Variants in SIK3 observed in about 807,000 individuals in gnomAD.
SIK3 encodes the protein serine/threonine-protein kinase SIK3.
Under a neutral mutation model 144.2 loss-of-function variants are expected in SIK3, and 28 were observed. That is an observed-to-expected ratio of 0.19 (90% CI 0.14 to 0.27). The LOEUF is 0.27. Among genes scored for constraint, SIK3 ranks in the 10% least tolerant of loss-of-function variants. The pLI is 1.00. For synonymous variants in SIK3, 686 were observed against 676.3 expected (o/e 1.01, Z -0.22); for missense variants, 1,319 against 1,776.0 (o/e 0.74, Z 4.62).
chr11:117,032,397 C>G (rs1255186663), intron 1 of SIK3, among the ~76,000 whole-genome samples: 1 of 152,142 alleles, frequency 6.6e-6, no homozygotes, highest in African/African-American at 2.4e-5. Flanking sequence ...TAGATATATG[C>G]TCAAGTATTT....
intron 1 of SIK3, among the ~76,000 whole-genome samples, chr11:117,084,804 G>A (rs936685039): frequency 6.6e-6 from 1 of 151,982 alleles, no homozygotes; most frequent in South Asian, 2.1e-4. Flanking sequence ...AAATCAAGAG[G>A]GATGCTGTAC....
chr11:116,926,987 C>T (rs1046019930), intron 4 of SIK3, among the ~76,000 whole-genome samples: 4 of 148,584 alleles, frequency 2.7e-5, no homozygotes, highest in African/African-American at 1.0e-4. Flanking sequence ...CACCACTGCA[C>T]TCCAGCCTGG....
intron 1 of SIK3, among the ~76,000 whole-genome samples, chr11:117,082,535 C>T (rs1443839405): frequency 6.6e-6 from 1 of 152,124 alleles, no homozygotes; most frequent in African/African-American, 2.4e-5. Context: ...CAACAGGACA[C>T]CCACTGCATA....
At chr11:116,854,712 T>G (rs959865848) in intron 21 of SIK3, among the ~76,000 whole-genome samples, 1 of 152,092 alleles carries the variant, frequency 6.6e-6, no homozygotes, top group Non-Finnish European at 1.5e-5. Context: ...GGCACAGCAT[T>G]ATAAGCCTTT....
intron 4 of SIK3, among the ~76,000 whole-genome samples, chr11:116,921,565 T>A (rs1434277836): frequency 1.3e-5 from 2 of 152,182 alleles, no homozygotes; most frequent in African/African-American, 4.8e-5. Flanking sequence ...AGAGATGGAA[T>A]CTCACTATGT....
At chr11:117,016,431 G>GAAGGAAGGAAC (rs1565559637) in intron 1 of SIK3, among the ~76,000 whole-genome samples, 1 of 150,144 alleles carries the variant, frequency 6.7e-6, no homozygotes, top group African/African-American at 2.5e-5. Flanking sequence ...AAGGAAGGAA[G>GAAGGAAGGAAC]GAAGGAAGGA....
chr11:117,009,226 C>G (rs1296182623), intron 1 of SIK3, among the ~76,000 whole-genome samples: 2 of 132,160 alleles, frequency 1.5e-5, no homozygotes, highest in Non-Finnish European at 1.5e-5. Context: ...GAGTGAGACA[C>G]TGTCTCAAAA....
chr11:116,932,211 C>T (rs1947646199), intron 3 of SIK3, among the ~76,000 whole-genome samples: 1 of 152,016 alleles, frequency 6.6e-6, no homozygotes, highest in African/African-American at 2.4e-5. Flanking sequence ...TAGATTTCTG[C>T]AATAACCTCC....
intron 6 of SIK3, 31 bp downstream of exon 6, chr11:116,896,222 A>G: frequency 6.2e-7 from 1 of 1,611,684 alleles, no homozygotes; most frequent in Non-Finnish European, 8.5e-7. Flanking sequence ...TCATGAACCC[A>G]TTCATAGCTG....
At chr11:117,014,946 C>T (rs945624605) in intron 1 of SIK3, among the ~76,000 whole-genome samples, 1 of 152,024 alleles carries the variant, frequency 6.6e-6, no homozygotes, top group Non-Finnish European at 1.5e-5. Flanking sequence ...CACCTTTAGT[C>T]CCAGCTACTC....
At chr11:117,027,006 C>T (rs1274273192) in intron 1 of SIK3, among the ~76,000 whole-genome samples, 1 of 152,160 alleles carries the variant, frequency 6.6e-6, no homozygotes, top group African/African-American at 2.4e-5. Context: ...TTACGGAAAA[C>T]TTGGAAAATA....
chr11:117,053,338 GAAAA>G (rs754157839), intron 1 of SIK3, among the ~76,000 whole-genome samples: 1 of 121,410 alleles, frequency 8.2e-6, no homozygotes, highest in African/African-American at 3.1e-5. Flanking sequence ...CTCTGTCTTG[GAAAA>G]AAAAAAAAAA....
At chr11:116,902,918 C>T (rs1334323530) in intron 4 of SIK3, among the ~76,000 whole-genome samples, 1 of 152,128 alleles carries the variant, frequency 6.6e-6, no homozygotes, top group South Asian at 2.1e-4. Context: ...TTTCAATATA[C>T]ATATTATTAT....
chr11:116,998,539 A>G (rs765055254), intron 1 of SIK3, among the ~76,000 whole-genome samples: 5 of 152,100 alleles, frequency 3.3e-5, no homozygotes, highest in Non-Finnish European at 7.4e-5. Context: ...CCTCTTAGCT[A>G]TAATGGATTT....
intron 1 of SIK3, among the ~76,000 whole-genome samples, chr11:117,090,715 T>C (rs1565633901): frequency 6.6e-6 from 1 of 152,360 alleles, no homozygotes; most frequent in East Asian, 1.9e-4. Flanking sequence ...ATTTTCTTCA[T>C]ATCTCAGTCA....
intron 4 of SIK3, among the ~76,000 whole-genome samples, chr11:116,920,799 G>C (rs1387568718): frequency 1.3e-5 from 2 of 152,216 alleles, no homozygotes; most frequent in Non-Finnish European, 2.9e-5. Context: ...GAGCCAGTGG[G>C]AGTGTGACAA....
Position 116,875,561 on chromosome 11 carries a change from G to C in SIK3, c.1240-110C>G. 3.1e-6 allele frequency: 4 copies of C among 1,272,962 alleles called. No homozygotes were observed. In the South Asian group the frequency reaches 5.7e-5, roughly 18 times the overall value. The allele number at this position is 1,272,962 out of a possible 1,614,324, so 78.9% of individuals were successfully genotyped here. A position where few individuals can be genotyped will look rare whatever the true frequency, so the allele number is the denominator to read the frequency against. On this transcript the variant is annotated intron_variant, in intron 9 of 24. Coordinates refer to ENST00000445177, the MANE Select transcript of SIK3 (RefSeq NM_001366686.3). Reference sequence around the variant, plus strand: ...AGTCTATGTTTCCCTGATTACTAAAGTTTTTGGTTCATCGGCCCTTAGAAG... The same window carrying C: ...AGTCTATGTTTCCCTGATTACTAAACTTTTTGGTTCATCGGCCCTTAGAAG...
At chr11:117,016,752 C>G (rs552561756) in intron 1 of SIK3, among the ~76,000 whole-genome samples, 44 of 152,132 alleles carry the variant, frequency 2.9e-4, no homozygotes, top group Non-Finnish European at 5.0e-4. Context: ...GACATCATGG[C>G]GTATACCTTG....
chr11:117,076,260 A>G (rs1264451461), intron 1 of SIK3, among the ~76,000 whole-genome samples: 1 of 152,090 alleles, frequency 6.6e-6, no homozygotes, highest in East Asian at 1.9e-4. Flanking sequence ...ATCCATTCCA[A>G]TGCTAACTTT....
Sources: allele counts gnomAD v4.1 joint callset (sites outside exome capture counted in the v4.1 genomes callset), GRCh38; gene constraint gnomAD v4.1.1; transcripts MANE v1.5; gene names NCBI Gene and HGNC (gene_info 2026-07-23, HGNC 2026-07-21).